Variants in HGF observed in about 807,000 individuals in gnomAD.
HGF encodes the protein fibroblast-derived tumor cytotoxic factor.
In HGF, 39 loss-of-function variants were observed where a neutral mutation model predicts 111.6. That is an observed-to-expected ratio of 0.35 (90% CI 0.27 to 0.46). The LOEUF is 0.46. HGF is among the 20% of genes least tolerant of loss of function. The pLI, the probability that HGF is intolerant of heterozygous loss-of-function variation, is 1.00. For missense variants in HGF, 735 were observed against 910.5 expected, an observed-to-expected ratio of 0.81 and a Z score of 2.48; for synonymous variants, 285 against 294.8, an observed-to-expected ratio of 0.97 and a Z score of 0.34.
At chr7:81,709,368 G>A (rs1189353819) in intron 13 of HGF, among the ~76,000 whole-genome samples, 1 of 152,140 alleles carries the variant, frequency 6.6e-6, no homozygotes, top group Non-Finnish European at 1.5e-5. Flanking sequence ...GTAAGGTTCT[G>A]ATAGAGATAG....
chr7:81,725,925 G>A lies in HGF; in HGVS notation c.1133C>T (p.Ser378Phe), dbSNP rs1789994386. 6.2e-7 allele frequency: 1 copy of A among 1,613,932 alleles called. No individual in the cohort carries two copies. Among genetic ancestry groups the A allele is most frequent in the South Asian group, 1.1e-5 (1 of 91,084 alleles). ...TDPNIRVGYC[S>F]QIPNCDMSHG... Reference sequence around the variant, plus strand: ...TGACATATCACAGTTTGGAATTTGGGAGCAGTAGCCAACTCGGATGTTTGG... The same window carrying A: ...TGACATATCACAGTTTGGAATTTGGAAGCAGTAGCCAACTCGGATGTTTGG... Residue 378 changes from serine (S) to phenylalanine (F), a missense_variant, in exon 9 of 18, where the codon TCC becomes TTC. Ser to Phe is a radical substitution (Grantham distance 155). Transcript: ENST00000222390.
At chr7:81,755,487 T>G (rs1034372620) in intron 4 of HGF, 1 of 152,314 alleles carries the variant, frequency 6.6e-6, no homozygotes, top group Non-Finnish European at 1.5e-5. Context: ...AAAGAGCTGA[T>G]TGGACTAGGA....
At chr7:81,732,200 C>A (rs567786658) in intron 7 of HGF, among the ~76,000 whole-genome samples, 1 of 152,200 alleles carries the variant, frequency 6.6e-6, no homozygotes, top group African/African-American at 2.4e-5. Context: ...TAGTTCAAGG[C>A]TCAGTCCATG....
At chr7:81,728,242 A>G (rs1437693056) in intron 8 of HGF, among the ~76,000 whole-genome samples, 1 of 152,260 alleles carries the variant, frequency 6.6e-6, no homozygotes, top group African/African-American at 2.4e-5. Context: ...TATTTAAAAC[A>G]AATAACAAAA....
At chr7:81,722,826 AAAAAAGAAATTT>A (rs1789902140) in intron 9 of HGF, among the ~76,000 whole-genome samples, 5 of 139,992 alleles carry the variant, frequency 3.6e-5, no homozygotes, top group African/African-American at 1.6e-4. Context: ...AAAAAAAAAA[AAAAAAGAAATTT>A]AAAAAGGTAT....
intron 1 of HGF, among the ~76,000 whole-genome samples, chr7:81,767,723 T>C (rs1012298644): frequency 2.6e-5 from 4 of 152,210 alleles, no homozygotes; most frequent in Non-Finnish European, 5.9e-5. Context: ...TGATAACTGG[T>C]TGTCAACTTA....
intron 11 of HGF, among the ~76,000 whole-genome samples, chr7:81,713,989 CGTGTGTGTGTGT>C (rs10539468): frequency 0.029 from 4,120 of 142,406 alleles, 82 homozygotes; most frequent in Non-Finnish European, 0.041. Context: ...GGTGTGTGTG[CGTGTGTGTGTGT>C]GTGTGTGTGT....
intron 17 of HGF, among the ~76,000 whole-genome samples, chr7:81,704,819 A>G (rs1489277597): frequency 6.6e-6 from 1 of 151,824 alleles, no homozygotes; most frequent in East Asian, 1.9e-4. Context: ...AAATAGGGAT[A>G]GGAACATTGC....
At chr7:81,705,322 A>T (rs1789392235) in intron 17 of HGF, 68 bp downstream of exon 17, 2 of 1,496,946 alleles carry the variant, frequency 1.3e-6, no homozygotes. Context: ...AAAAATAAAC[A>T]GAAAAAAATA....
intron 4 of HGF, chr7:81,756,705 A>G (rs1788786495): frequency 6.2e-6 from 1 of 161,374 alleles, no homozygotes; most frequent in African/African-American, 2.4e-5. Flanking sequence ...CTCCCCAGAG[A>G]TTCTGATTTA....
intron 7 of HGF, among the ~76,000 whole-genome samples, chr7:81,730,249 G>C (rs1787601786): frequency 6.6e-6 from 1 of 152,098 alleles, no homozygotes; most frequent in Non-Finnish European, 1.5e-5. Context: ...AGGAGTTTAA[G>C]ACCAGCCTGG....
intron 4 of HGF, chr7:81,756,912 A>G (rs377757178): frequency 1.6e-5 from 8 of 500,314 alleles, no homozygotes; most frequent in African/African-American, 1.2e-4. Flanking sequence ...AGGAAGAAGA[A>G]TCCTTTTAAA....
intron 14 of HGF, 107 bp from the exon 15 acceptor site, chr7:81,706,534 T>C (rs1789432331): frequency 1.1e-6 from 1 of 893,856 alleles, no homozygotes; most frequent in Non-Finnish European, 1.8e-6. Flanking sequence ...TAACCTAAAT[T>C]TAAAATTTGA....
At chr7:81,726,100 G>A in intron 8 of HGF, 83 bp from the exon 9 acceptor site, 1 of 1,328,124 alleles carries the variant, frequency 7.5e-7, no homozygotes, top group Non-Finnish European at 1.1e-6. Flanking sequence ...TAGAATTCTA[G>A]AATGTATGCA....
chr7:81,710,309 T>A, intron 12 of HGF, 66 bp from the exon 13 acceptor site: 1 of 1,002,534 alleles, frequency 1.0e-6, no homozygotes, highest in Non-Finnish European at 1.6e-6. Flanking sequence ...CCTCTTAGTT[T>A]TCTTAAATGC....
intron 11 of HGF, among the ~76,000 whole-genome samples, chr7:81,715,144 A>T (rs1789675562): frequency 6.6e-6 from 1 of 152,136 alleles, no homozygotes; most frequent in Non-Finnish European, 1.5e-5. Flanking sequence ...TTAACCATGC[A>T]TATGTGCTAG....
chr7:81,711,258 T>C (rs1381112061), intron 12 of HGF, among the ~76,000 whole-genome samples: 1 of 152,206 alleles, frequency 6.6e-6, no homozygotes, highest in Non-Finnish European at 1.5e-5. Context: ...ATCTTATAGA[T>C]TTTTTGCAAG....
In HGF at chr7:81,729,773, T is replaced by C. The variant is rs755584740; in HGVS notation, c.872A>G (p.Asn291Ser). Residue 291 changes from asparagine to serine, a missense_variant, in exon 8 of 18, where the codon AAT becomes AGT. By Grantham distance (46) the Asn-to-Ser change is conservative. Coordinates refer to ENST00000222390, the MANE Select transcript of HGF (RefSeq NM_000601.6). ...AGGAACATCAGTGTCATTCATAGTA[T>C]TGTCAGCTATTGGCAAAAAACAACA... ...EYCAIKTCAD[N>S]TMNDTDVPLE... The C allele has an allele frequency of 1.2e-6, 2 of 1,601,266 alleles. No homozygotes were observed.
At chr7:81,717,157 A>G in intron 11 of HGF, 75 bp downstream of exon 11, 1 of 1,464,658 alleles carries the variant, frequency 6.8e-7, no homozygotes, top group Non-Finnish European at 9.5e-7. Flanking sequence ...GACCACCTAT[A>G]TTATTTACAA....
Sources: allele counts gnomAD v4.1 joint callset (sites outside exome capture counted in the v4.1 genomes callset), GRCh38; gene constraint gnomAD v4.1.1; transcripts MANE v1.5; gene names NCBI Gene and HGNC (gene_info 2026-07-23, HGNC 2026-07-21).